The following PLAAT5 variants were observed in gnomAD, a reference collection of about 807,000 sequenced individuals.
PLAAT5 encodes the protein Ca(2+)-independent N-acyltransferase.
Under a neutral mutation model 27.8 loss-of-function variants are expected in PLAAT5, and 27 were observed. The observed-to-expected ratio is 0.97, with a 90% CI of 0.72 to 1.34. The LOEUF is 1.34. PLAAT5 is among the 40% of genes most tolerant of loss of function. The pLI is 0.00. For missense variants in PLAAT5, 368 were observed against 343.8 expected (o/e 1.07, Z -0.56); for synonymous variants, 125 against 136.1 (o/e 0.92, Z 0.57).
intron 3 of PLAAT5, among the ~76,000 whole-genome samples, chr11:63,475,574 C>T (rs1185212419): frequency 1.3e-5 from 2 of 151,914 alleles, no homozygotes; most frequent in African/African-American, 4.8e-5. Context: ...ATGATCTCTG[C>T]CTTTTTTTGG....
At chr11:63,465,521 G>GT (rs2015837381) in intron 5 of PLAAT5, among the ~76,000 whole-genome samples, 1 of 151,772 alleles carries the variant, frequency 6.6e-6, no homozygotes, top group South Asian at 2.1e-4. Flanking sequence ...GCCAGTCACG[G>GT]TGGCTTACAC....
At chr11:63,489,103 C>G (rs544085381) in intron 2 of PLAAT5, 127 bp from the exon 3 acceptor site, 25 of 567,034 alleles carry the variant, frequency 4.4e-5, no homozygotes, top group African/African-American at 2.3e-4. Flanking sequence ...CATTTCCCCC[C>G]GTTTGTTTCT....
chr11:63,465,279 A>T (rs2120207270), intron 5 of PLAAT5, among the ~76,000 whole-genome samples: 1 of 151,952 alleles, frequency 6.6e-6, no homozygotes, highest in Non-Finnish European at 1.5e-5. Flanking sequence ...ACTCTGTCTC[A>T]AAAAAAAGAG....
intron 3 of PLAAT5, among the ~76,000 whole-genome samples, chr11:63,482,448 G>A (rs1160841631): frequency 6.6e-6 from 1 of 152,180 alleles, no homozygotes; most frequent in Non-Finnish European, 1.5e-5. Context: ...GAAGGGACTG[G>A]GGTCCTATCT....
intron 3 of PLAAT5, chr11:63,469,905 G>A (rs145681720): frequency 2.0e-5 from 3 of 152,330 alleles, no homozygotes; most frequent in Non-Finnish European, 4.4e-5. Flanking sequence ...TGACCAGCAT[G>A]GTGAAACCCC....
At chr11:63,489,995 C>A (rs1253897074) in intron 2 of PLAAT5, among the ~76,000 whole-genome samples, 1 of 152,224 alleles carries the variant, frequency 6.6e-6, no homozygotes, top group Non-Finnish European at 1.5e-5. Flanking sequence ...TAAAGCCATT[C>A]ATTTCTCTGG....
intron 3 of PLAAT5, among the ~76,000 whole-genome samples, chr11:63,477,284 G>A (rs1011559986): frequency 7.9e-5 from 12 of 151,972 alleles, no homozygotes; most frequent in African/African-American, 2.4e-4. Flanking sequence ...AAAACTGGAC[G>A]TTCTAGGTAA....
intron 3 of PLAAT5, among the ~76,000 whole-genome samples, chr11:63,485,492 C>G (rs2016412370): frequency 6.6e-6 from 1 of 152,034 alleles, no homozygotes; most frequent in Non-Finnish European, 1.5e-5. Flanking sequence ...AGCCAACTGT[C>G]TTCAACAAAG....
At chr11:63,478,231 GAA>G (rs1235197780) in intron 3 of PLAAT5, among the ~76,000 whole-genome samples, 10 of 152,004 alleles carry the variant, frequency 6.6e-5, no homozygotes, top group African/African-American at 2.2e-4. Flanking sequence ...CACCTGGATA[GAA>G]CTTCCTTACC....
At chr11:63,476,862 C>T (rs1037372341) in intron 3 of PLAAT5, among the ~76,000 whole-genome samples, 1 of 152,078 alleles carries the variant, frequency 6.6e-6, no homozygotes, top group African/African-American at 2.4e-5. Flanking sequence ...AGGCTCTGTT[C>T]ATTTTTCTTT....
chr11:63,490,854 G>A (rs1565218683), intron 1 of PLAAT5, 33 bp downstream of exon 1: 1 of 1,575,202 alleles, frequency 6.3e-7, no homozygotes. Flanking sequence ...GGACAATTGC[G>A]GATTGTCCTT....
chr11:63,482,128 A>T (rs1239003569), intron 3 of PLAAT5, among the ~76,000 whole-genome samples: 1 of 152,238 alleles, frequency 6.6e-6, no homozygotes, highest in African/African-American at 2.4e-5. Flanking sequence ...ATCTCAAATG[A>T]CCAAAACTAA....
At chr11:63,487,318 C>T (rs2016460134) in intron 3 of PLAAT5, among the ~76,000 whole-genome samples, 2 of 152,030 alleles carry the variant, frequency 1.3e-5, no homozygotes, top group Non-Finnish European at 1.5e-5. Context: ...GGCAAATATA[C>T]GCATGAAAAG....
At chr11:63,489,120 C>G in intron 2 of PLAAT5, 144 bp from the exon 3 acceptor site, 1 of 511,914 alleles carries the variant, frequency 2.0e-6, no homozygotes, top group Non-Finnish European at 3.5e-6. Context: ...TTCTGTGAAC[C>G]CATTAGCTTT....
intron 3 of PLAAT5, among the ~76,000 whole-genome samples, chr11:63,472,322 A>G (rs1312062718): frequency 6.6e-6 from 1 of 152,248 alleles, no homozygotes; most frequent in Non-Finnish European, 1.5e-5. Context: ...AATTTACATG[A>G]GCAGCGTAAT....
intron 3 of PLAAT5, among the ~76,000 whole-genome samples, chr11:63,480,989 T>G (rs2016270319): frequency 6.6e-6 from 1 of 152,260 alleles, no homozygotes; most frequent in Admixed American, 6.5e-5. Flanking sequence ...ATGCATTTTG[T>G]ATATCTCTAA....
chr11:63,488,373 C>G (rs1465501044), intron 3 of PLAAT5, among the ~76,000 whole-genome samples: 1 of 152,054 alleles, frequency 6.6e-6, no homozygotes, highest in Non-Finnish European at 1.5e-5. Context: ...GAAGATTTGA[C>G]AGGATATATA....
At position 63,488,763 on chromosome 11, in the gene PLAAT5, A is replaced by T. The variant is rs1372030326; in HGVS notation, c.345+108T>A. The T allele has an allele frequency of 4.7e-6, 3 of 637,922 alleles. No individual in the cohort carries two copies. In the African/African-American group the frequency reaches 5.6e-5, roughly 12 times the overall value. 39.5% of individuals were successfully genotyped at this position (637,922 alleles called of 1,614,324 possible). A position where few individuals can be genotyped will look rare whatever the true frequency, so the allele number is the denominator to read the frequency against. On this transcript the variant is annotated intron_variant, in intron 3 of 5. Coordinates refer to ENST00000540857, the MANE Select transcript of PLAAT5 (RefSeq NM_001146729.2). ...GACGTTTCTTCTTCCAGTGTGGCCC[A>T]GGGAAGCCTAAAGATTGGACACCCC... is the stretch of plus-strand genomic sequence containing the variant.
chr11:63,486,420 G>GTA (rs752574003), intron 3 of PLAAT5, among the ~76,000 whole-genome samples: 50 of 150,926 alleles, frequency 3.3e-4, no homozygotes, highest in South Asian at 1.5e-3. Context: ...AGAAAATGTG[G>GTA]TATATATATA....
Sources: gnomAD v4.1 joint callset for allele counts (sites outside exome capture counted in the v4.1 genomes callset) on GRCh38, gnomAD v4.1.1 for gene constraint, MANE v1.5 for transcripts, NCBI Gene and HGNC (gene_info 2026-07-23, HGNC 2026-07-21) for gene names.